Variants in VTI1A observed in about 807,000 individuals in gnomAD.
The protein encoded by VTI1A is vesicle transport through interaction with t-SNAREs 1A.
In VTI1A, 22 loss-of-function variants were observed where a neutral mutation model predicts 34.9. That is an observed-to-expected ratio of 0.63 (90% CI 0.45 to 0.90). VTI1A has a LOEUF of 0.90. Among genes scored for constraint, VTI1A ranks in the 40% least tolerant of loss-of-function variants. The pLI is 0.00. For missense variants in VTI1A, 268 were observed against 275.6 expected, an observed-to-expected ratio of 0.97 and a Z score of 0.20; for synonymous variants, 87 against 97.3, an observed-to-expected ratio of 0.89 and a Z score of 0.62.
chr10:112,472,528 A>G (rs1202742702), intron 3 of VTI1A, among the ~76,000 whole-genome samples: 1 of 150,430 alleles, frequency 6.6e-6, no homozygotes, highest in African/African-American at 2.4e-5. Flanking sequence ...GCCAGTACCC[A>G]TATTCTTTTT....
chr10:112,691,302 TAAA>T (rs1848606840), intron 7 of VTI1A, among the ~76,000 whole-genome samples: 1 of 150,750 alleles, frequency 6.6e-6, no homozygotes, highest in East Asian at 1.9e-4. Flanking sequence ...AATAAATAAA[TAAA>T]TGAAAGTTCC....
At chr10:112,732,742 C>G (rs921262575) in intron 7 of VTI1A, among the ~76,000 whole-genome samples, 1 of 152,130 alleles carries the variant, frequency 6.6e-6, no homozygotes, top group Non-Finnish European at 1.5e-5. Flanking sequence ...CATCAGGAAA[C>G]CCTTTATTCC....
intron 5 of VTI1A, among the ~76,000 whole-genome samples, chr10:112,651,858 T>C (rs546363231): frequency 6.6e-6 from 1 of 152,304 alleles, no homozygotes; most frequent in Admixed American, 6.5e-5. Flanking sequence ...GTCTGTTTTA[T>C]CAAAGGAAAA....
chr10:112,629,957 T>TA (rs1213104294), intron 5 of VTI1A, among the ~76,000 whole-genome samples: 1 of 152,002 alleles, frequency 6.6e-6, no homozygotes. Context: ...TTTCAGTATT[T>TA]AAAAAAAATA....
At chr10:112,784,575 G>A (rs1852226818) in intron 7 of VTI1A, among the ~76,000 whole-genome samples, 1 of 152,184 alleles carries the variant, frequency 6.6e-6, no homozygotes, top group African/African-American at 2.4e-5. Flanking sequence ...TGGGCGATAA[G>A]TCAGTGTTTC....
At chr10:112,813,667 TTTTA>T (rs1193592515) in intron 7 of VTI1A, among the ~76,000 whole-genome samples, 1 of 152,204 alleles carries the variant, frequency 6.6e-6, no homozygotes, top group Non-Finnish European at 1.5e-5. Flanking sequence ...GAAGTCCTGT[TTTTA>T]TTTATTTATT....
intron 5 of VTI1A, among the ~76,000 whole-genome samples, chr10:112,618,534 G>GAGAGAGAGAGAGAGAGAGAGAGAA (rs1554922606): frequency 2.3e-5 from 3 of 128,832 alleles, no homozygotes; most frequent in African/African-American, 9.0e-5. Flanking sequence ...TAGAGAGAGA[G>GAGAGAGAGAGAGAGAGAGAGAGAA]AGAGAGAGAG....
the VTI1A span, among the ~76,000 whole-genome samples, chr10:112,854,273 G>A: frequency 3.9e-5 from 6 of 152,208 alleles, no homozygotes; most frequent in African/African-American, 1.4e-4. Context: ...ATTGCTTCCT[G>A]TCAGGTGGGA....
At chr10:112,708,733 T>C (rs560687665) in intron 7 of VTI1A, among the ~76,000 whole-genome samples, 1 of 152,370 alleles carries the variant, frequency 6.6e-6, no homozygotes, top group Admixed American at 6.5e-5. Flanking sequence ...GTCTAGCTCG[T>C]GATGATCAAA....
chr10:112,795,527 T>C (rs551469209), intron 7 of VTI1A, among the ~76,000 whole-genome samples: 22 of 150,092 alleles, frequency 1.5e-4, no homozygotes, highest in Non-Finnish European at 2.4e-4. Flanking sequence ...CTCTGCCTCC[T>C]GGGTTCAAGC....
chr10:112,621,250 G>A (rs1394080715), intron 5 of VTI1A, among the ~76,000 whole-genome samples: 1 of 152,156 alleles, frequency 6.6e-6, no homozygotes, highest in Non-Finnish European at 1.5e-5. Flanking sequence ...GCAAGGCTGC[G>A]TACTGCACTC....
At chr10:112,737,561 C>G in intron 7 of VTI1A, 1 of 1,049,412 alleles carries the variant, frequency 9.5e-7, no homozygotes, top group Non-Finnish European at 1.2e-6. Flanking sequence ...GCCTGCATTC[C>G]CAGGGGGCGG....
At chr10:112,642,928 C>G (rs1310952766) in intron 5 of VTI1A, among the ~76,000 whole-genome samples, 1 of 151,304 alleles carries the variant, frequency 6.6e-6, no homozygotes, top group African/African-American at 2.4e-5. Context: ...TATTTAAATG[C>G]ATGTTCCCTG....
At chr10:112,690,140 A>T (rs1373951129) in intron 7 of VTI1A, among the ~76,000 whole-genome samples, 1 of 121,470 alleles carries the variant, frequency 8.2e-6, no homozygotes, top group Non-Finnish European at 1.6e-5. Context: ...GTGGGGGTAT[A>T]CTACAATTTA....
At chr10:112,825,493 T>C in the VTI1A span, 3 of 152,226 alleles carry the variant, frequency 2.0e-5, no homozygotes. Context: ...TGGTACAAAA[T>C]TTGTAGTGCC....
At chr10:112,764,780 T>A (rs1250734762) in intron 7 of VTI1A, among the ~76,000 whole-genome samples, 1 of 152,224 alleles carries the variant, frequency 6.6e-6, no homozygotes, top group Non-Finnish European at 1.5e-5. Flanking sequence ...GTAGTTAGTG[T>A]TGTCAGCGCA....
At chr10:112,740,229 G>A (rs117610865) in intron 7 of VTI1A, among the ~76,000 whole-genome samples, 4,702 of 152,226 alleles carry the variant, frequency 0.031, 106 homozygotes, top group Non-Finnish European at 0.049. Context: ...TGATTAGTTG[G>A]TGTTCACAAA....
intron 7 of VTI1A, among the ~76,000 whole-genome samples, chr10:112,725,508 A>G (rs1421438511): frequency 6.6e-6 from 1 of 152,254 alleles, no homozygotes; most frequent in East Asian, 1.9e-4. Flanking sequence ...CCTTTCATCC[A>G]TTATGAAGTT....
intron 3 of VTI1A, among the ~76,000 whole-genome samples, chr10:112,519,271 G>A (rs554686615): frequency 5.9e-5 from 9 of 152,240 alleles, no homozygotes; most frequent in Admixed American, 1.3e-4. Flanking sequence ...AATAGCTGGT[G>A]CGGCTCCTCT....
Sources: gnomAD v4.1 joint callset for allele counts (sites outside exome capture counted in the v4.1 genomes callset) on GRCh38, gnomAD v4.1.1 for gene constraint, MANE v1.5 for transcripts, NCBI Gene and HGNC (gene_info 2026-07-23, HGNC 2026-07-21) for gene names.